The following GHR variants were observed in gnomAD, a reference collection of about 807,000 sequenced individuals.
GHR encodes GH receptor.
A neutral mutation model predicts 67.1 loss-of-function variants in GHR; 35 were observed. The ratio of observed to expected loss-of-function variants is 0.52; its 90% CI spans 0.40 to 0.69. GHR has a LOEUF of 0.69. Among genes scored for constraint, GHR ranks in the 30% least tolerant of loss-of-function variants. The pLI is 0.00. For missense variants in GHR, 792 were observed against 764.6 expected (o/e 1.04, Z -0.42); for synonymous variants, 272 against 269.1 (o/e 1.01, Z -0.10).
chr5:42,566,870 C>A (rs1561127891), intron 2 of GHR, among the ~76,000 whole-genome samples: 1 of 152,108 alleles, frequency 6.6e-6, no homozygotes, highest in Non-Finnish European at 1.5e-5. Flanking sequence ...TCCTCCCTGA[C>A]CTTCTAGCCA....
At chr5:42,561,497 T>C (rs1343916766) in intron 1 of GHR, among the ~76,000 whole-genome samples, 1 of 152,234 alleles carries the variant, frequency 6.6e-6, no homozygotes, top group Non-Finnish European at 1.5e-5. Flanking sequence ...ACCTTCATCT[T>C]TTCTCATGTG....
At chr5:42,542,210 A>G (rs1748545784) in intron 1 of GHR, among the ~76,000 whole-genome samples, 1 of 152,180 alleles carries the variant, frequency 6.6e-6, no homozygotes, top group Non-Finnish European at 1.5e-5. Flanking sequence ...AGGTGGAAGA[A>G]TCAATGGAGA....
intron 2 of GHR, among the ~76,000 whole-genome samples, chr5:42,595,244 G>T (rs1752003682): frequency 6.6e-6 from 1 of 152,154 alleles, no homozygotes; most frequent in Non-Finnish European, 1.5e-5. Flanking sequence ...TTTATCATAA[G>T]TTTAACAATG....
At chr5:42,617,068 G>T (rs535091792) in intron 2 of GHR, among the ~76,000 whole-genome samples, 4 of 151,882 alleles carry the variant, frequency 2.6e-5, no homozygotes, top group East Asian at 3.9e-4. Context: ...TCCTGGGAGC[G>T]CAACCCCTAA....
At chr5:42,433,732 A>ATTTTTTTTTTTTTTTTTT (rs35539827) in intron 1 of GHR, among the ~76,000 whole-genome samples, 4 of 77,586 alleles carry the variant, frequency 5.2e-5, no homozygotes, top group Non-Finnish European at 7.1e-5. Context: ...AAGATATGGT[A>ATTTTTTTTTTTTTTTTTT]TTTTTTTTTT....
chr5:42,558,863 TG>T (rs1749450841), intron 1 of GHR, among the ~76,000 whole-genome samples: 1 of 152,250 alleles, frequency 6.6e-6, no homozygotes, highest in African/African-American at 2.4e-5. Flanking sequence ...GTTTTAATAA[TG>T]GATTTTATTT....
intron 3 of GHR, among the ~76,000 whole-genome samples, chr5:42,636,226 A>G (rs1437377742): frequency 6.6e-6 from 1 of 151,466 alleles, no homozygotes; most frequent in Non-Finnish European, 1.5e-5. Context: ...AAAAAAAAAA[A>G]AAAAAAATTA....
At chr5:42,700,043 A>G in intron 6 of GHR, 41 bp downstream of exon 6, 1 of 1,227,808 alleles carries the variant, frequency 8.1e-7, no homozygotes, top group Non-Finnish European at 1.2e-6. Flanking sequence ...TTTTCTTTCT[A>G]TTTCAACAAA....
At chr5:42,447,552 A>G (rs970874459) in intron 1 of GHR, among the ~76,000 whole-genome samples, 1 of 151,802 alleles carries the variant, frequency 6.6e-6, no homozygotes, top group South Asian at 2.1e-4. Context: ...CTTGTTCCAT[A>G]TTTTTGCAAT....
chr5:42,711,418 CAATATA>C, intron 7 of GHR, 46 bp downstream of exon 7: 1 of 1,367,806 alleles, frequency 7.3e-7, no homozygotes, highest in Non-Finnish European at 1.0e-6. Flanking sequence ...TGGCTTTTGT[CAATATA>C]ACAGTTGATT....
At position 42,516,459 on chromosome 5, in the gene GHR, T is replaced by C. The variant is rs532707631; in HGVS notation, c.-11-49405T>C. On this transcript the variant is annotated intron_variant, in intron 1 of 9. Transcript: ENST00000230882. ...TGGCTACTTCCCAGCTATGTGATCCTGGGCTTCAGGGTTCCCTTTTGCAAC... is the reference window on the plus strand; with the variant it reads ...TGGCTACTTCCCAGCTATGTGATCCCGGGCTTCAGGGTTCCCTTTTGCAAC... 1.4e-3 allele frequency among the ~76,000 whole-genome samples: 215 copies of C among 152,294 alleles called. 5 individuals are homozygous for C. In the South Asian group the frequency reaches 0.042, roughly 30 times the overall value.
intron 1 of GHR, chr5:42,468,623 A>G: frequency 9.4e-7 from 1 of 1,060,170 alleles, no homozygotes; most frequent in Non-Finnish European, 1.4e-6. Flanking sequence ...GCTGGAGGGC[A>G]GCGGGTTCTT....
At chr5:42,618,581 C>A (rs1753285444) in intron 2 of GHR, among the ~76,000 whole-genome samples, 1 of 151,982 alleles carries the variant, frequency 6.6e-6, no homozygotes, top group Admixed American at 6.6e-5. Context: ...GTATGCAAAG[C>A]AAATAATGCA....
chr5:42,481,787 AT>A (rs1030988543), intron 1 of GHR, among the ~76,000 whole-genome samples: 4 of 151,526 alleles, frequency 2.6e-5, no homozygotes, highest in Admixed American at 1.3e-4. Context: ...CATTCATCTA[AT>A]TTTTTTTCAA....
intron 1 of GHR, among the ~76,000 whole-genome samples, chr5:42,470,154 T>C (rs1579760017): frequency 6.9e-6 from 1 of 145,642 alleles, no homozygotes; most frequent in Non-Finnish European, 1.5e-5. Context: ...TACTATATAT[T>C]ATAATATATA....
At chr5:42,627,009 T>C (rs1479162920) in intron 2 of GHR, among the ~76,000 whole-genome samples, 1 of 152,170 alleles carries the variant, frequency 6.6e-6, no homozygotes, top group Admixed American at 6.5e-5. Context: ...ACATTCATCA[T>C]TTTTCATTTT....
chr5:42,652,451 A>C (rs543308170), intron 3 of GHR, among the ~76,000 whole-genome samples: 5 of 152,146 alleles, frequency 3.3e-5, no homozygotes, highest in Admixed American at 6.6e-5. Context: ...ACAGAAGCCA[A>C]AATTGGTTAC....
At chr5:42,634,521 G>GAACA (rs1491128431) in intron 3 of GHR, among the ~76,000 whole-genome samples, 4 of 148,820 alleles carry the variant, frequency 2.7e-5, no homozygotes, top group African/African-American at 7.4e-5. Context: ...ATTGAATTTT[G>GAACA]CACACACACA....
intron 1 of GHR, among the ~76,000 whole-genome samples, chr5:42,489,415 G>C (rs1327699428): frequency 6.6e-6 from 1 of 151,982 alleles, no homozygotes; most frequent in East Asian, 1.9e-4. Context: ...TTTTCTATTA[G>C]AAACATAAAT....
Sources: gnomAD v4.1 joint callset for allele counts (sites outside exome capture counted in the v4.1 genomes callset) on GRCh38, gnomAD v4.1.1 for gene constraint, MANE v1.5 for transcripts, NCBI Gene and HGNC (gene_info 2026-07-23, HGNC 2026-07-21) for gene names.